Variants in EPHA6 observed in about 807,000 individuals in gnomAD.
The protein encoded by EPHA6 is EPH receptor A6, also known as ephrin type-A receptor 6.
EPHA6 carries 50 observed loss-of-function variants against 112.0 expected under a neutral mutation model. The observed-to-expected ratio is 0.45, with a 90% CI of 0.36 to 0.56. The LOEUF is 0.56. EPHA6 is among the 20% of genes least tolerant of loss of function. EPHA6 has a pLI of 0.00. For missense variants in EPHA6, 1,280 were observed against 1,417.4 expected (o/e 0.90, Z 1.56); for synonymous variants, 529 against 490.7 (o/e 1.08, Z -1.03).
chr3:97,214,777 T>A (rs1046111896), intron 3 of EPHA6, among the ~76,000 whole-genome samples: 2 of 152,186 alleles, frequency 1.3e-5, no homozygotes, highest in Non-Finnish European at 2.9e-5. Flanking sequence ...TTTGAGAATT[T>A]CACTGGATGC....
intron 2 of EPHA6, among the ~76,000 whole-genome samples, chr3:96,918,264 T>A (rs973906486): frequency 6.6e-6 from 1 of 152,150 alleles, no homozygotes; most frequent in Non-Finnish European, 1.5e-5. Flanking sequence ...AGGCAACTAA[T>A]GGCATATTTT....
intron 4 of EPHA6, among the ~76,000 whole-genome samples, chr3:97,233,553 T>C (rs2078595739): frequency 6.6e-6 from 1 of 152,154 alleles, no homozygotes; most frequent in Non-Finnish European, 1.5e-5. Context: ...TTAATAGATA[T>C]GCATTCTCTC....
intron 3 of EPHA6, among the ~76,000 whole-genome samples, chr3:97,036,749 T>A (rs2612276): frequency 0.046 from 6,929 of 152,134 alleles, 208 homozygotes; most frequent in Middle Eastern, 0.11. Context: ...TGGTTAATAA[T>A]CTTCCTAGAT....
intron 3 of EPHA6, among the ~76,000 whole-genome samples, chr3:97,217,212 T>G (rs1449117606): frequency 2.0e-5 from 3 of 152,114 alleles, no homozygotes; most frequent in Admixed American, 2.0e-4. Flanking sequence ...TTTCACAATG[T>G]CAGTATGACA....
chr3:97,397,553 C>T (rs971481699), intron 5 of EPHA6, among the ~76,000 whole-genome samples: 1 of 151,594 alleles, frequency 6.6e-6, no homozygotes, highest in African/African-American at 2.4e-5. Flanking sequence ...TAAATTGTTT[C>T]TCTCATCCTC....
In EPHA6 at chr3:97,507,895, G is replaced by A. The variant is rs573479089; in HGVS notation, c.2200+23836G>A. On this transcript the variant is annotated intron_variant, in intron 10 of 17. Coordinates refer to ENST00000389672, the MANE Select transcript of EPHA6 (RefSeq NM_001080448.3). ...CTTCCTGGTTTAGCCTTGGGAGGGT[G>A]TACGTGTCCAGGAATTTATCCATTT... Among the ~76,000 whole-genome samples, 699 of 152,246 alleles carry A rather than the reference G, an allele frequency of 4.6e-3. 6 individuals are homozygous for A. The highest frequency in any genetic ancestry group is 0.016 in the African/African-American group (677 of 41,546).
chr3:97,074,479 G>A (rs749270896), intron 3 of EPHA6, among the ~76,000 whole-genome samples: 16 of 151,772 alleles, frequency 1.1e-4, no homozygotes, highest in South Asian at 8.3e-4. Context: ...TTAAAATGGT[G>A]GTTTAATTAG....
chr3:97,589,144 C>T (rs1021850712), intron 11 of EPHA6, among the ~76,000 whole-genome samples: 10 of 151,138 alleles, frequency 6.6e-5, no homozygotes, highest in Admixed American at 2.0e-4. Flanking sequence ...GGTTGTATTG[C>T]GATTTTTTCT....
At chr3:97,148,260 A>G (rs1159693983) in intron 3 of EPHA6, among the ~76,000 whole-genome samples, 1 of 152,056 alleles carries the variant, frequency 6.6e-6, no homozygotes, top group Non-Finnish European at 1.5e-5. Flanking sequence ...GCTTGAGGCC[A>G]GGAGTTCAAG....
intron 6 of EPHA6, among the ~76,000 whole-genome samples, chr3:97,410,815 A>G (rs966240670): frequency 2.6e-5 from 4 of 152,050 alleles, no homozygotes; most frequent in African/African-American, 9.7e-5. Flanking sequence ...ACCTCATTTA[A>G]TCGAGTGTTG....
At chr3:96,931,078 C>T (rs999261936) in intron 2 of EPHA6, among the ~76,000 whole-genome samples, 2 of 151,136 alleles carry the variant, frequency 1.3e-5, no homozygotes, top group Non-Finnish European at 2.9e-5. Flanking sequence ...GGGATCCCTT[C>T]AGCCCTGATT....
chr3:97,506,222 A>G (rs980082547), intron 10 of EPHA6, among the ~76,000 whole-genome samples: 1 of 152,050 alleles, frequency 6.6e-6, no homozygotes, highest in Non-Finnish European at 1.5e-5. Context: ...TTTTGTTGCC[A>G]TTGCTTTTGG....
intron 3 of EPHA6, among the ~76,000 whole-genome samples, chr3:97,202,376 A>C (rs1182936495): frequency 2.7e-5 from 4 of 150,196 alleles, no homozygotes; most frequent in Admixed American, 1.3e-4. Context: ...TGAGAGATGG[A>C]GTCTCGCTCT....
chr3:97,008,816 T>TTGA (rs994637888), intron 3 of EPHA6, among the ~76,000 whole-genome samples: 1 of 152,018 alleles, frequency 6.6e-6, no homozygotes, highest in Admixed American at 6.6e-5. Context: ...GTTGTTGTTG[T>TTGA]TGATGATGAT....
chr3:97,484,741 G>A (rs1303758208), intron 10 of EPHA6, among the ~76,000 whole-genome samples: 2 of 152,154 alleles, frequency 1.3e-5, no homozygotes, highest in Non-Finnish European at 2.9e-5. Context: ...AGGGGGACTT[G>A]CAAGGCCCAA....
chr3:97,075,705 A>ATT (rs58181240), intron 3 of EPHA6, among the ~76,000 whole-genome samples: 19 of 143,982 alleles, frequency 1.3e-4, no homozygotes, highest in Admixed American at 1.0e-3. Flanking sequence ...CGGATACTGC[A>ATT]TTTTTTTTTT....
chr3:96,865,762 A>G (rs2036274214), intron 1 of EPHA6, among the ~76,000 whole-genome samples: 1 of 151,644 alleles, frequency 6.6e-6, no homozygotes, highest in African/African-American at 2.4e-5. Context: ...ACCAAAATTA[A>G]TGATGTGGTA....
At chr3:97,226,452 G>A in intron 4 of EPHA6, 33 bp downstream of exon 4, 2 of 1,570,240 alleles carry the variant, frequency 1.3e-6, no homozygotes, top group Non-Finnish European at 1.7e-6. Flanking sequence ...TGGAAATTCT[G>A]TTTCCAACCC....
At chr3:97,117,131 G>GA in intron 3 of EPHA6, among the ~76,000 whole-genome samples, 1 of 151,560 alleles carries the variant, frequency 6.6e-6, no homozygotes, top group African/African-American at 2.4e-5. Flanking sequence ...GTCTTCTTGG[G>GA]AAAAATATCT....
Sources: gnomAD v4.1 joint callset for allele counts (sites outside exome capture counted in the v4.1 genomes callset) on GRCh38, gnomAD v4.1.1 for gene constraint, MANE v1.5 for transcripts, NCBI Gene and HGNC (gene_info 2026-07-23, HGNC 2026-07-21) for gene names.